BAHD1: variants seen among roughly 807,000 people sequenced by gnomAD.
BAHD1 encodes bromo adjacent homology domain containing 1.
A neutral mutation model predicts 63.1 loss-of-function variants in BAHD1; 20 were observed. That is an observed-to-expected ratio of 0.32 (90% CI 0.22 to 0.46). BAHD1 has a LOEUF of 0.46. BAHD1 is among the 20% of genes least tolerant of loss of function. BAHD1 has a pLI of 1.00. For synonymous variants in BAHD1, 408 were observed against 426.8 expected (o/e 0.96, Z 0.54); for missense variants, 939 against 1,071.8 (o/e 0.88, Z 1.73).
chr15:40,455,740 C>T (rs1245584797), intron 1 of BAHD1, among the ~76,000 whole-genome samples: 2 of 152,238 alleles, frequency 1.3e-5, no homozygotes, highest in Non-Finnish European at 2.9e-5. Context: ...GGCCTAGCCC[C>T]TCTGGTAACT....
In BAHD1 at chr15:40,459,564, T is replaced by C. The variant is rs2141528100; in HGVS notation, c.1100T>C (p.Leu367Pro). 6.2e-7 allele frequency: 1 copy of C among 1,614,176 alleles called. No individual in the cohort carries two copies. The highest frequency in any genetic ancestry group is 1.3e-5 in the African/African-American group (1 of 75,070). Reference protein sequence around the residue: ...MPGNPADYNGLCVGPELTALG... With the variant: ...MPGNPADYNGPCVGPELTALG... ...GGCAACCCCGCCGACTACAATGGCC[T>C]GTGTGTTGGGCCTGAGCTCACTGCA... Residue 367 changes from leucine (L) to proline (P), a missense_variant, in exon 2 of 7, where the codon CTG becomes CCG. Around this residue, in one of 5 missense-constraint regions of BAHD1, gnomAD observed 797 missense variants for 813.3 expected, o/e 0.98. Coordinates refer to ENST00000416165, the MANE Select transcript of BAHD1 (RefSeq NM_014952.5).
chr15:40,458,300 G>C lies in BAHD1; in HGVS notation c.-14-151G>C, dbSNP rs533545554. Among the ~76,000 whole-genome samples the C allele has an allele frequency of 6.6e-6, 1 of 152,188 alleles. No individual in the cohort carries two copies. On this transcript the variant is annotated intron_variant, in intron 1 of 6. Coordinates refer to ENST00000416165, the MANE Select transcript of BAHD1 (RefSeq NM_014952.5). This position sits in a 1 kb window ranked among gnomAD's most constrained non-coding sequence, Gnocchi z 4.7. ...GATTCCACTGCCCCTTCACACTCTGGAAAGGGAGTCCCAGGAAAATCCATA... is the reference window on the plus strand; with the variant it reads ...GATTCCACTGCCCCTTCACACTCTGCAAAGGGAGTCCCAGGAAAATCCATA...
At chr15:40,451,036 A>G (rs988694288) in intron 1 of BAHD1, among the ~76,000 whole-genome samples, 3 of 148,486 alleles carry the variant, frequency 2.0e-5, no homozygotes, top group Non-Finnish European at 4.4e-5. Flanking sequence ...TACTCGGGAT[A>G]CTCCTGCTGA....
chr15:40,454,892 C>T (rs538473511), intron 1 of BAHD1, among the ~76,000 whole-genome samples: 1 of 152,280 alleles, frequency 6.6e-6, no homozygotes, highest in South Asian at 2.1e-4. Flanking sequence ...CTCTCCCCAA[C>T]CAGCCCTGTA....
Position 40,466,008 on chromosome 15 carries a change from T to C in BAHD1, c.2221T>C (p.Ser741Pro), listed in dbSNP as rs761652581. 3.1e-6 allele frequency: 5 copies of C among 1,613,544 alleles called. No individual in the cohort carries two copies. In the Admixed American group the frequency reaches 8.3e-5, roughly 27 times the overall value. Residue 741 changes from serine (S) to proline (P), a missense_variant, in exon 7 of 7, where the codon TCT becomes CCT. By Grantham distance (74) the Ser-to-Pro change is moderately conservative. Transcript: ENST00000416165. ...PSRKTALVPP[S>P]ADYSTPPHRT... is the part of the protein sequence containing the mutation. Reference sequence around the variant, plus strand: ...CCGAAAGACAGCACTGGTTCCCCCCTCTGCAGACTATTCCACCCCACCCCA... The same window carrying C: ...CCGAAAGACAGCACTGGTTCCCCCCCCTGCAGACTATTCCACCCCACCCCA...
intron 1 of BAHD1, among the ~76,000 whole-genome samples, chr15:40,452,374 G>C (rs1284108039): frequency 1.3e-5 from 2 of 152,274 alleles, no homozygotes; most frequent in African/African-American, 4.8e-5. Context: ...GCCTCATTCA[G>C]GTGGCACAGA....
Position 40,465,378 on chromosome 15 carries a change from A to G in BAHD1, c.2096A>G (p.Asn699Ser). 6.2e-7 allele frequency: 1 copy of G among 1,614,164 alleles called. No individual in the cohort carries two copies. The highest frequency in any genetic ancestry group is 8.5e-7 in the Non-Finnish European group (1 of 1,180,020). Reference sequence around the variant, plus strand: ...TTTGCATCGCGACATCAGGACCAGAACAGTGTGGCCTGCATTGAGGAGAAG... The same window carrying G: ...TTTGCATCGCGACATCAGGACCAGAGCAGTGTGGCCTGCATTGAGGAGAAG... ...EVFASRHQDQ[N>S]SVACIEEKCY... is the part of the protein sequence containing the mutation. Residue 699 changes from asparagine (N) to serine (S), a missense_variant, in exon 6 of 7, where the codon AAC becomes AGC. Coordinates refer to ENST00000416165, the MANE Select transcript of BAHD1 (RefSeq NM_014952.5).
intron 1 of BAHD1, among the ~76,000 whole-genome samples, chr15:40,445,967 A>T (rs1276051303): frequency 1.3e-5 from 2 of 152,182 alleles, no homozygotes; most frequent in African/African-American, 4.8e-5. Context: ...GTTAACCCTG[A>T]AGTGACAGAA....
chr15:40,455,822 A>T (rs575182333), intron 1 of BAHD1, among the ~76,000 whole-genome samples: 1 of 152,264 alleles, frequency 6.6e-6, no homozygotes, highest in East Asian at 1.9e-4. Context: ...TCTCCAGGCC[A>T]TTTGGGAGTT....
chr15:40,442,079 C>G (rs968163601), intron 1 of BAHD1, among the ~76,000 whole-genome samples: 1 of 152,156 alleles, frequency 6.6e-6, no homozygotes, highest in African/African-American at 2.4e-5. Context: ...CAGCGGGACC[C>G]TGTGCTCGCG....
chr15:40,451,786 T>A (rs1338210270), intron 1 of BAHD1, among the ~76,000 whole-genome samples: 1 of 152,262 alleles, frequency 6.6e-6, no homozygotes, highest in African/African-American at 2.4e-5. Context: ...TTAGCTGGGC[T>A]AGCACCTGTG....
At chr15:40,448,067 C>T (rs1368034006) in intron 1 of BAHD1, among the ~76,000 whole-genome samples, 1 of 151,952 alleles carries the variant, frequency 6.6e-6, no homozygotes, top group Admixed American at 6.6e-5. Flanking sequence ...CATGGTGAAA[C>T]CCTGTCTCTA....
chr15:40,465,273 C>A, intron 5 of BAHD1, 62 bp from the exon 6 acceptor site: 2 of 1,478,376 alleles, frequency 1.4e-6, no homozygotes, highest in Non-Finnish European at 1.9e-6. Context: ...TAATGTCTGC[C>A]TTGCTCTGGG....
chr15:40,459,267 A>G lies in BAHD1; in HGVS notation c.803A>G (p.Glu268Gly). The change falls in exon 2 of 7, where the codon GAG (glutamate) becomes GGG (glycine). Residue 268 changes from glutamate to glycine, a missense_variant. Glu to Gly is a moderately conservative substitution (Grantham distance 98). Around this residue, in one of 5 missense-constraint regions of BAHD1, gnomAD observed 797 missense variants for 813.3 expected, o/e 0.98. Transcript: ENST00000416165. ...PKAWQGASSG[E>G]AAGPPGWQGC... ...GCTTGGCAGGGGGCCAGCTCTGGGG[A>G]GGCTGCAGGCCCACCTGGCTGGCAA... 1 of 1,612,758 alleles carries G rather than the reference A, an allele frequency of 6.2e-7. No homozygotes were observed. Among genetic ancestry groups the G allele is most frequent in the Non-Finnish European group, 8.5e-7 (1 of 1,179,884 alleles).
chr15:40,465,952 T>C lies in BAHD1; in HGVS notation c.2165T>C (p.Met722Thr). 1 of 1,594,026 alleles carries C rather than the reference T, an allele frequency of 6.3e-7. No homozygotes were observed. The highest frequency in any genetic ancestry group is 1.1e-5 in the South Asian group (1 of 88,220). Residue 722 changes from methionine to threonine, a missense_variant, in exon 7 of 7, where the codon ATG becomes ACG. Physicochemically the swap from Met to Thr is moderately conservative, Grantham distance 81. This residue lies in a region of BAHD1 where 68 missense variants were observed against 86.2 expected (regional missense o/e 0.79). Transcript: ENST00000416165. Reference sequence around the variant, plus strand: ...GTATCTCTCTACAGGTTCTGTGCCATGGCCAAGCGCCGAGGTGAAGGCCTC... The same window carrying C: ...GTATCTCTCTACAGGTTCTGTGCCACGGCCAAGCGCCGAGGTGAAGGCCTC... ...TFAEYCRFCAMAKRRGEGLPS... is the reference protein window; with the variant it reads ...TFAEYCRFCATAKRRGEGLPS...
chr15:40,451,560 T>C (rs1893704264), intron 1 of BAHD1, among the ~76,000 whole-genome samples: 1 of 152,278 alleles, frequency 6.6e-6, no homozygotes, highest in African/African-American at 2.4e-5. Flanking sequence ...ACACACATTC[T>C]TCTTTAACTT....
In BAHD1 at chr15:40,458,519, C is replaced by G. The variant is rs374059923; in HGVS notation, c.55C>G (p.Arg19Gly). Residue 19 changes from arginine (R) to glycine (G), a missense_variant, in exon 2 of 7, where the codon CGC (arginine) becomes GGC (glycine). Arg to Gly is a moderately radical substitution (Grantham distance 125). Transcript: ENST00000416165. This position sits in a 1 kb window ranked among gnomAD's most constrained non-coding sequence, Gnocchi z 4.7. ...LPMLSSGLTG[R>G]REPLQMEDSN... ...CATGCTGAGTTCGGGCCTCACTGGC[C>G]GCCGAGAGCCCCTGCAGATGGAAGA... The G allele has an allele frequency of 1.1e-5, 17 of 1,611,704 alleles. No individual in the cohort carries two copies. The African/African-American group carries it at 1.5e-4, about 14-fold the overall frequency.
upstream of BAHD1, among the ~76,000 whole-genome samples, chr15:40,438,013 C>G (rs192370641): frequency 6.6e-6 from 1 of 152,100 alleles, no homozygotes; most frequent in Non-Finnish European, 1.5e-5. Context: ...GGCAGCAGCC[C>G]GGGAAAGACT....
At position 40,463,947 on chromosome 15, in the gene BAHD1, C is replaced by T. The variant is rs1894127977; in HGVS notation, c.1902C>T (p.Leu634=). 1 of 1,614,228 alleles carries T rather than the reference C, an allele frequency of 6.2e-7. No homozygotes were observed. Among genetic ancestry groups the T allele is most frequent in the Non-Finnish European group, 8.5e-7 (1 of 1,180,046 alleles). The change falls in exon 4 of 7, where the codon CTC becomes CTT. Residue 634 remains leucine, a synonymous_variant. Transcript: ENST00000416165. ...ETIRVRDTVL[L]KSGPRKTSTP... is the part of the protein sequence containing the mutation. ...TCCGAGTCCGGGACACCGTCCTTCT[C>T]AAATCAGGCCCACGAAAGACCTCCA... is the stretch of plus-strand genomic sequence containing the variant.
Sources: allele counts gnomAD v4.1 joint callset (sites outside exome capture counted in the v4.1 genomes callset), GRCh38; gene constraint gnomAD v4.1.1; regional missense constraint gnomAD v4.1.1; non-coding constraint Gnocchi (gnomAD v3.1); transcripts MANE v1.5; gene names NCBI Gene and HGNC (gene_info 2026-07-23, HGNC 2026-07-21).